MMD2: variants seen among roughly 807,000 people sequenced by gnomAD.
MMD2 encodes the protein monocyte to macrophage differentiation factor 2.
MMD2 carries 30 observed loss-of-function variants against 33.5 expected under a neutral mutation model. The ratio of observed to expected loss-of-function variants is 0.90; its 90% CI spans 0.67 to 1.22. The LOEUF is 1.22. Among genes scored for constraint, MMD2 ranks in the 50% most tolerant of loss-of-function variants. The pLI is 0.00. For synonymous variants in MMD2, 129 were observed against 123.0 expected, an observed-to-expected ratio of 1.05 and a Z score of -0.32; for missense variants, 364 against 325.4, an observed-to-expected ratio of 1.12 and a Z score of -0.91.
At chr7:4,948,088 C>A (rs1419822263) in intron 1 of MMD2, among the ~76,000 whole-genome samples, 3 of 152,162 alleles carry the variant, frequency 2.0e-5, no homozygotes, top group South Asian at 2.1e-4. Flanking sequence ...GAGAAACCGC[C>A]CCCATGATCC....
intron 1 of MMD2, among the ~76,000 whole-genome samples, chr7:4,942,779 C>T (rs537465906): frequency 1.3e-5 from 2 of 151,338 alleles, no homozygotes; most frequent in Admixed American, 6.6e-5. Flanking sequence ...CCTCACCCGG[C>T]TTTTTTGTTT....
intron 4 of MMD2, among the ~76,000 whole-genome samples, chr7:4,912,479 G>A (rs191401935): frequency 0.015 from 2,274 of 150,834 alleles, 27 homozygotes; most frequent in South Asian, 0.034. Context: ...GGAGAATGGC[G>A]TGAACCCGGG....
At chr7:4,935,675 C>T (rs1374355323) in intron 1 of MMD2, among the ~76,000 whole-genome samples, 5 of 86,726 alleles carry the variant, frequency 5.8e-5, no homozygotes, top group African/African-American at 2.1e-4. Context: ...AAGACCCTGT[C>T]TCAAAAAAAA....
intron 6 of MMD2, among the ~76,000 whole-genome samples, chr7:4,909,306 A>AC (rs1784946394): frequency 6.6e-6 from 1 of 151,842 alleles, no homozygotes; most frequent in Non-Finnish European, 1.5e-5. Flanking sequence ...ACATAGTGAG[A>AC]CCCCATCTCT....
rs1562494470 is a variant in MMD2 at position 4,946,145 on chromosome 7, ACC to A, written c.47+12824_47+12825del. 2.0e-5 allele frequency among the ~76,000 whole-genome samples: 3 copies of A among 150,496 alleles called. No individual in the cohort carries two copies. Among genetic ancestry groups the A allele is most frequent in the African/African-American group, 7.3e-5 (3 of 40,838 alleles). The stretch of plus-strand genomic sequence containing the variant: ...CGCACACACCTGCACACGCACGCAC[ACC>A]CACACCCGCGCGCACACCTGCACAC... On this transcript the variant is annotated intron_variant, in intron 1 of 6. Coordinates refer to ENST00000401401, the MANE Select transcript of MMD2 (RefSeq NM_198403.4). This position sits in a 1 kb window ranked among gnomAD's most constrained non-coding sequence, Gnocchi z 5.0.
rs1362205044 is a variant in MMD2 at position 4,907,451 on chromosome 7, G to A, written c.686C>T (p.Ala229Val). The A allele has an allele frequency of 1.6e-5, 26 of 1,613,988 alleles. No individual in the cohort carries two copies. The highest frequency in any genetic ancestry group is 2.1e-5 in the Non-Finnish European group (25 of 1,179,902). ...VAFGAGTHYY[A>V]IWRYLYLPST... ...GGGCAGATAGAGGTACCTCCAGATG[G>A]CATAGTAGTGGGTACCAGCACCAAA... Residue 229 changes from alanine to valine, a missense_variant, in exon 7 of 7, where the codon GCC becomes GTC. By Grantham distance (64) the Ala-to-Val change is moderately conservative. Coordinates refer to ENST00000401401, the MANE Select transcript of MMD2 (RefSeq NM_198403.4).
At position 4,920,293 on chromosome 7, in the gene MMD2, G is replaced by C. The variant is rs1249932010; in HGVS notation, c.168C>G (p.Leu56=). 1 of 1,609,378 alleles carries C rather than the reference G, an allele frequency of 6.2e-7. No individual in the cohort carries two copies. Among genetic ancestry groups the C allele is most frequent in the Non-Finnish European group, 8.5e-7 (1 of 1,178,186 alleles). ...CCCAGTCATCGTCCGACAGGAAGTAGAGGTTGGAGCTGCCCAGGATGCTGG... is the reference window on the plus strand; with the variant it reads ...CCCAGTCATCGTCCGACAGGAAGTACAGGTTGGAGCTGCCCAGGATGCTGG... ...IIPSILGSSN[L]YFLSDDDWET... Residue 56 remains leucine, a synonymous_variant, in exon 3 of 7, where the codon CTC becomes CTG. Coordinates refer to ENST00000401401, the MANE Select transcript of MMD2 (RefSeq NM_198403.4).
downstream of MMD2, among the ~76,000 whole-genome samples, chr7:4,905,554 G>T (rs1784851742): frequency 6.6e-6 from 1 of 152,080 alleles, no homozygotes; most frequent in African/African-American, 2.4e-5. The surrounding 1 kb of genome is among the most constrained non-coding windows in gnomAD (Gnocchi z 5.0). Context: ...TCCCAGGAAG[G>T]TGCTTTGGTG....
the MMD2 span, among the ~76,000 whole-genome samples, chr7:4,898,157 T>C: frequency 6.6e-6 from 1 of 152,178 alleles, no homozygotes; most frequent in South Asian, 2.1e-4. Context: ...ACATGGGCCA[T>C]CACAAAGACA....
chr7:4,940,378 A>C lies in MMD2; in HGVS notation c.48-14846T>G, dbSNP rs1469238862. Among the ~76,000 whole-genome samples the C allele has an allele frequency of 6.6e-6, 1 of 152,138 alleles. No individual in the cohort carries two copies. The highest frequency in any genetic ancestry group is 1.5e-5 in the Non-Finnish European group (1 of 68,018). ...TTCATGAATGAGCCCGGGCCCCGGA[A>C]CGCGGCTGCAGCCACCCCTCCCAGG... is the stretch of plus-strand genomic sequence containing the variant. On this transcript the variant is annotated intron_variant, in intron 1 of 6. Coordinates refer to ENST00000401401, the MANE Select transcript of MMD2 (RefSeq NM_198403.4). The surrounding 1 kb of genome is among the most constrained non-coding windows in gnomAD (Gnocchi z 5.0).
chr7:4,930,858 C>A (rs527615552), intron 1 of MMD2, among the ~76,000 whole-genome samples: 2 of 152,066 alleles, frequency 1.3e-5, no homozygotes, highest in East Asian at 3.9e-4. Flanking sequence ...ATTTTTATTT[C>A]TTTTTAATTT....
chr7:4,943,004 C>CTTTTTTTT (rs33983457), intron 1 of MMD2, among the ~76,000 whole-genome samples: 3 of 85,694 alleles, frequency 3.5e-5, no homozygotes, highest in African/African-American at 8.6e-5. Context: ...CTGCCCTTTT[C>CTTTTTTTT]TTTTTTTTTT....
intron 1 of MMD2, among the ~76,000 whole-genome samples, chr7:4,938,002 CTTTTTTTTT>C (rs1165504272): frequency 2.2e-5 from 1 of 45,646 alleles, no homozygotes; most frequent in Non-Finnish European, 3.5e-5. Flanking sequence ...TTCTTTCTTT[CTTTTTTTTT>C]TTTTTTTTTT....
chr7:4,935,682 A>C (rs1221015432), intron 1 of MMD2, among the ~76,000 whole-genome samples: 1 of 149,568 alleles, frequency 6.7e-6, no homozygotes, highest in Non-Finnish European at 1.5e-5. Context: ...TGTCTCAAAA[A>C]AAAAAAAAAA....
At chr7:4,896,338 G>T in the MMD2 span, among the ~76,000 whole-genome samples, 1 of 152,072 alleles carries the variant, frequency 6.6e-6, no homozygotes, top group Admixed American at 6.6e-5. Flanking sequence ...AAGTTAGCTG[G>T]GCATGGCAGT....
chr7:4,925,540 G>A lies in MMD2; in HGVS notation c.48-8C>T. 1 of 1,560,002 alleles carries A rather than the reference G, an allele frequency of 6.4e-7. No individual in the cohort carries two copies. Among genetic ancestry groups the A allele is most frequent in the Non-Finnish European group, 8.7e-7 (1 of 1,151,594 alleles). On this transcript the variant is annotated splice_region_variant and splice_polypyrimidine_tract_variant and intron_variant, in intron 1 of 6. Coordinates refer to ENST00000401401, the MANE Select transcript of MMD2 (RefSeq NM_198403.4). The stretch of plus-strand genomic sequence containing the variant: ...ACTCGGTGGTTCATGAACCTGGAAG[G>A]AGAGGGAGAATTCCAGGAAGCTCCG...
At chr7:4,957,414 C>T (rs1324093843) in intron 1 of MMD2, among the ~76,000 whole-genome samples, 3 of 151,518 alleles carry the variant, frequency 2.0e-5, no homozygotes, top group South Asian at 2.1e-4. Context: ...TTTGGGAGGC[C>T]GAGGCGGGGG....
intron 3 of MMD2, 37 bp downstream of exon 3, chr7:4,920,134 C>A: frequency 6.5e-7 from 1 of 1,546,774 alleles, no homozygotes; most frequent in Non-Finnish European, 8.7e-7. Flanking sequence ...TGCCCCGACC[C>A]CCTACCCGGC....
chr7:4,926,847 C>T (rs1785442590), intron 1 of MMD2, among the ~76,000 whole-genome samples: 1 of 151,910 alleles, frequency 6.6e-6, no homozygotes, highest in Non-Finnish European at 1.5e-5. Context: ...TGGGTTCACG[C>T]CATTCTCCTG....
Sources: allele counts gnomAD v4.1 joint callset (sites outside exome capture counted in the v4.1 genomes callset), GRCh38; gene constraint gnomAD v4.1.1; non-coding constraint Gnocchi (gnomAD v3.1); transcripts MANE v1.5; gene names NCBI Gene and HGNC (gene_info 2026-07-23, HGNC 2026-07-21).